The following RPS24 variants were observed in gnomAD, a reference collection of about 807,000 sequenced individuals.
RPS24 encodes ribosomal protein S24.
For missense variants in RPS24, 100 were observed against 162.5 expected (o/e 0.62, Z 2.09); for synonymous variants, 72 against 55.6 (o/e 1.30, Z -1.31).
At chr10:78,053,467 G>A (rs1337096161) in intron 4 of RPS24, among the ~76,000 whole-genome samples, 1 of 152,222 alleles carries the variant, frequency 6.6e-6, no homozygotes, top group Non-Finnish European at 1.5e-5. Flanking sequence ...CACCCATCCT[G>A]AGGGCTAAAT....
intron 4 of RPS24, chr10:78,039,940 T>C (rs951724743): frequency 2.7e-5 from 15 of 546,522 alleles, no homozygotes; most frequent in Middle Eastern, 5.2e-4. Flanking sequence ...ATTGGCTTAA[T>C]GATCTCTTCA....
chr10:78,046,966 G>T (rs1848049458), intron 4 of RPS24, among the ~76,000 whole-genome samples: 2 of 151,794 alleles, frequency 1.3e-5, no homozygotes, highest in Admixed American at 1.3e-4. Context: ...GAAGCTGTGG[G>T]TGGGGCCAGG....
intron 4 of RPS24, among the ~76,000 whole-genome samples, chr10:78,049,634 G>A (rs1472965386): frequency 1.3e-5 from 2 of 152,208 alleles, no homozygotes; most frequent in Non-Finnish European, 2.9e-5. Context: ...GGCTGGGACT[G>A]GGTGAGGCAA....
chr10:78,048,917 C>G (rs968807589), intron 4 of RPS24: 1 of 147,998 alleles, frequency 6.8e-6, no homozygotes, highest in Non-Finnish European at 1.5e-5. Flanking sequence ...CATAGGCAAA[C>G]ATTGTTAACT....
In RPS24 at chr10:78,035,354, C is replaced by T. The variant is rs746098498; in HGVS notation, c.6C>T (p.Asn2=). 50 of 1,613,802 alleles carry T rather than the reference C, an allele frequency of 3.1e-5. No homozygotes were observed. In the Middle Eastern group the frequency reaches 8.2e-4, roughly 27 times the overall value. ...AACCAGAGTGTTTATGTTTTCAGAA[C>T]GACACCGTAACTATCCGCACTAGAA... M[N]DTVTIRTRKF... The change falls in exon 2 of 6, where the codon AAC becomes AAT. Residue 2 remains asparagine (N), a splice_region_variant and synonymous_variant. Transcript: ENST00000372360.
At chr10:78,035,747 G>A in intron 3 of RPS24, 27 bp downstream of exon 3, 1 of 1,567,392 alleles carries the variant, frequency 6.4e-7, no homozygotes, top group Non-Finnish European at 8.7e-7. Flanking sequence ...TTGTTGATCA[G>A]CTCCTGAAGA....
intron 4 of RPS24, among the ~76,000 whole-genome samples, chr10:78,050,498 A>G: frequency 6.6e-6 from 1 of 152,216 alleles, no homozygotes; most frequent in Non-Finnish European, 1.5e-5. Flanking sequence ...TAAAAAGAGA[A>G]TAAGAGCTTT....
Position 78,040,655 on chromosome 10 carries a change from A to C in RPS24, c.*60A>C, listed in dbSNP as rs3206416. On this transcript the variant is annotated 3_prime_UTR_variant, in exon 6 of 6. Transcript: ENST00000372360. ...TGCTGCAATGATGTTAGCTGTGGCC[A>C]CTGTGGATTTTTCGCAAGAACATTA... is the stretch of plus-strand genomic sequence containing the variant. 1.2e-6 allele frequency: 2 copies of C among 1,614,030 alleles called. No homozygotes were observed. The highest frequency in any genetic ancestry group is 4.5e-5 in the East Asian group (2 of 44,892).
downstream of RPS24, among the ~76,000 whole-genome samples, chr10:78,044,072 A>G (rs1032360219): frequency 6.6e-6 from 1 of 151,910 alleles, no homozygotes; most frequent in African/African-American, 2.4e-5. Context: ...TTAATATCTT[A>G]CTCCCTAAAT....
intron 4 of RPS24, among the ~76,000 whole-genome samples, chr10:78,054,346 G>T (rs1848129776): frequency 6.6e-6 from 1 of 152,230 alleles, no homozygotes; most frequent in Non-Finnish European, 1.5e-5. Flanking sequence ...TTGAACTCCT[G>T]CAGGTACCTG....
intron 4 of RPS24, among the ~76,000 whole-genome samples, chr10:78,046,638 A>C (rs1477551521): frequency 5.3e-5 from 8 of 152,072 alleles, no homozygotes; most frequent in Non-Finnish European, 1.2e-4. Context: ...TACAGGCATG[A>C]TCCACTGCAC....
chr10:78,049,879 T>C (rs1423533487), intron 4 of RPS24, among the ~76,000 whole-genome samples: 1 of 152,184 alleles, frequency 6.6e-6, no homozygotes, highest in African/African-American at 2.4e-5. Flanking sequence ...CTGGGAAATA[T>C]AGGCTTGTTC....
chr10:78,046,194 TCTGTCTCTAATGGGAATA>T (rs1455692470), intron 4 of RPS24, among the ~76,000 whole-genome samples: 2 of 152,102 alleles, frequency 1.3e-5, no homozygotes, highest in Non-Finnish European at 2.9e-5. Context: ...CTCTGAGAAT[TCTGTCTCTAATGGGAATA>T]CTGTCTCTGC....
downstream of RPS24, among the ~76,000 whole-genome samples, chr10:78,044,243 G>A (rs1222503456): frequency 6.6e-6 from 1 of 152,126 alleles, no homozygotes; most frequent in Non-Finnish European, 1.5e-5. Flanking sequence ...GGATGCACAG[G>A]AGAAAGTTCT....
At chr10:78,041,137 C>A (rs1847981496), downstream of RPS24, among the ~76,000 whole-genome samples, 1 of 151,956 alleles carries the variant, frequency 6.6e-6, no homozygotes, top group Admixed American at 6.6e-5. Flanking sequence ...GGCTTAGAGT[C>A]TAAAAAGTAC....
intron 4 of RPS24, among the ~76,000 whole-genome samples, chr10:78,048,149 C>T (rs1006816126): frequency 2.6e-5 from 4 of 152,212 alleles, no homozygotes; most frequent in Admixed American, 6.5e-5. Context: ...CATCCATCTC[C>T]AGTAGCCACT....
At chr10:78,040,538 T>G in intron 5 of RPS24, 77 bp from the exon 6 acceptor site, 1 of 1,024,924 alleles carries the variant, frequency 9.8e-7, no homozygotes, top group East Asian at 2.4e-5. Flanking sequence ...TGCATGAGTG[T>G]TACTACTTTT....
At chr10:78,045,189 T>C (rs1206201941), downstream of RPS24, among the ~76,000 whole-genome samples, 2 of 152,082 alleles carry the variant, frequency 1.3e-5, no homozygotes, top group African/African-American at 4.8e-5. Context: ...AGTTTTTCCA[T>C]GTTGGTCAGG....
At chr10:78,051,134 G>A (rs1014701190) in intron 4 of RPS24, among the ~76,000 whole-genome samples, 2 of 152,174 alleles carry the variant, frequency 1.3e-5, no homozygotes, top group South Asian at 2.1e-4. Flanking sequence ...AGGTTGCAGC[G>A]AGCTGAGATT....
Sources: allele counts gnomAD v4.1 joint callset (sites outside exome capture counted in the v4.1 genomes callset), GRCh38; gene constraint gnomAD v4.1.1; transcripts MANE v1.5; gene names NCBI Gene and HGNC (gene_info 2026-07-23, HGNC 2026-07-21).